Variants in ATL2 observed in about 807,000 individuals in gnomAD.
The protein encoded by ATL2 is atlastin-2.
A neutral mutation model predicts 73.9 loss-of-function variants in ATL2; 31 were observed. The ratio of observed to expected loss-of-function variants is 0.42; its 90% confidence interval spans 0.32 to 0.57. ATL2 has a LOEUF of 0.57. Ranked by LOEUF, ATL2 falls within the 20% of genes least tolerant of loss-of-function variation. ATL2 has a pLI of 0.14. For missense variants in ATL2, 738 were observed against 702.6 expected (o/e 1.05, Z -0.57); for synonymous variants, 291 against 237.5 (o/e 1.23, Z -2.07).
intron 2 of ATL2, among the ~76,000 whole-genome samples, chr2:38,325,951 T>A (rs890506662): frequency 2.8e-5 from 4 of 145,038 alleles, no homozygotes; most frequent in Non-Finnish European, 4.5e-5. Context: ...AGACCAGGAC[T>A]CAGGCCCACT....
At chr2:38,307,863 T>C (rs368735095) in intron 9 of ATL2, among the ~76,000 whole-genome samples, 7 of 152,256 alleles carry the variant, frequency 4.6e-5, no homozygotes, top group African/African-American at 1.4e-4. Flanking sequence ...TATGAAAACA[T>C]CACTGATCAT....
chr2:38,345,753 A>G lies in ATL2; in HGVS notation c.119-2241T>C, dbSNP rs116786449. Reference sequence around the variant, plus strand: ...AATAACAAAACAGGATGCAAACGGTATAAGTTTCTAAGCTTAATTAGTGGT... The same window carrying G: ...AATAACAAAACAGGATGCAAACGGTGTAAGTTTCTAAGCTTAATTAGTGGT... On this transcript the variant is annotated intron_variant, in intron 1 of 12. Coordinates refer to ENST00000378954, the MANE Select transcript of ATL2 (RefSeq NM_001135673.4). Among the ~76,000 whole-genome samples, 801 of 152,354 alleles carry G rather than the reference A, an allele frequency of 5.3e-3. 5 individuals are homozygous for G. The highest frequency in any genetic ancestry group is 8.7e-3 in the Non-Finnish European group (591 of 68,040).
At chr2:38,354,915 A>T (rs74986372) in intron 1 of ATL2, among the ~76,000 whole-genome samples, 5 of 152,010 alleles carry the variant, frequency 3.3e-5, no homozygotes, top group Non-Finnish European at 4.4e-5. Flanking sequence ...AAAAAAGCCA[A>T]TAAGAAACCA....
intron 9 of ATL2, among the ~76,000 whole-genome samples, chr2:38,308,604 T>A (rs546049221): frequency 6.6e-6 from 1 of 152,058 alleles, no homozygotes; most frequent in Non-Finnish European, 1.5e-5. Flanking sequence ...AAGAGTATAA[T>A]TGGATTGTCT....
At chr2:38,320,146 CAA>C (rs1668241014) in intron 2 of ATL2, among the ~76,000 whole-genome samples, 1 of 152,094 alleles carries the variant, frequency 6.6e-6, no homozygotes, top group Non-Finnish European at 1.5e-5. Flanking sequence ...AAAATAACCC[CAA>C]GACTTGTTTG....
At chr2:38,373,198 TCCTC>T (rs1181924931) in intron 1 of ATL2, among the ~76,000 whole-genome samples, 3 of 152,100 alleles carry the variant, frequency 2.0e-5, no homozygotes, top group African/African-American at 7.2e-5. Context: ...CACTACATTA[TCCTC>T]CCTATGATTA....
chr2:38,346,319 C>T (rs1670013039), intron 1 of ATL2, among the ~76,000 whole-genome samples: 1 of 152,148 alleles, frequency 6.6e-6, no homozygotes, highest in South Asian at 2.1e-4. Context: ...ATCTAATCTC[C>T]ACAGAGTAGC....
chr2:38,330,999 T>A (rs1668954442), intron 2 of ATL2, among the ~76,000 whole-genome samples: 1 of 152,202 alleles, frequency 6.6e-6, no homozygotes, highest in African/African-American at 2.4e-5. Flanking sequence ...GACAGCGTGA[T>A]ACTGGTATAA....
Position 38,296,125 on chromosome 2 carries a change from G to A in ATL2, c.1633-12C>T. 3 of 1,542,340 alleles carry A rather than the reference G, an allele frequency of 1.9e-6. No homozygotes were observed. The highest frequency in any genetic ancestry group is 2.6e-6 in the Non-Finnish European group (3 of 1,142,788). ...AGGGGCTTCAATACCTGTGGTATGA[G>A]AAATGTGCAAAACAAACAAAAACAT... On this transcript the variant is annotated splice_polypyrimidine_tract_variant and intron_variant, in intron 12 of 12. Coordinates refer to ENST00000378954, the MANE Select transcript of ATL2 (RefSeq NM_001135673.4).
At chr2:38,312,706 T>TAAA (rs368819561) in intron 7 of ATL2, among the ~76,000 whole-genome samples, 5 of 120,306 alleles carry the variant, frequency 4.2e-5, no homozygotes, top group South Asian at 2.5e-4. Flanking sequence ...GAGACTGTCT[T>TAAA]AAAAAAAAAA....
intron 11 of ATL2, among the ~76,000 whole-genome samples, chr2:38,298,907 A>C (rs1320267798): frequency 1.3e-5 from 2 of 152,166 alleles, no homozygotes; most frequent in African/African-American, 4.8e-5. Context: ...ATAATGCCCC[A>C]AAAAGATATT....
chr2:38,363,875 CT>C (rs1671151810), intron 1 of ATL2, among the ~76,000 whole-genome samples: 1 of 152,130 alleles, frequency 6.6e-6, no homozygotes, highest in East Asian at 1.9e-4. Flanking sequence ...AAAAGTAGCC[CT>C]TTTTGGATTA....
intron 4 of ATL2, among the ~76,000 whole-genome samples, chr2:38,316,577 A>G (rs1050160492): frequency 5.3e-5 from 8 of 152,096 alleles, no homozygotes; most frequent in African/African-American, 1.9e-4. Context: ...CCCCACCCAA[A>G]GGCAAGGAAG....
At chr2:38,314,705 T>A (rs761357026) in intron 5 of ATL2, 41 bp from the exon 6 acceptor site, 1 of 1,339,814 alleles carries the variant, frequency 7.5e-7, no homozygotes, top group Non-Finnish European at 1.1e-6. Flanking sequence ...TCTAAAGAGA[T>A]TGAAAGAAGA....
chr2:38,351,540 C>G (rs1017395230), intron 1 of ATL2, among the ~76,000 whole-genome samples: 2 of 150,792 alleles, frequency 1.3e-5, no homozygotes, highest in African/African-American at 4.9e-5. Flanking sequence ...GTTGCCCAGG[C>G]TGGAGTGCAG....
intron 7 of ATL2, 49 bp downstream of exon 7, chr2:38,313,102 T>C (rs768710633): frequency 7.2e-7 from 1 of 1,379,488 alleles, no homozygotes; most frequent in Non-Finnish European, 1.0e-6. Context: ...GCCCACCCGT[T>C]TGCCTAGCTT....
rs1253319748 is a variant in ATL2 at position 38,377,153 on chromosome 2, C to G, written c.108G>C (p.Thr36=). The change falls in exon 1 of 13, where the codon ACG becomes ACC. Residue 36 remains threonine (T), a synonymous_variant. Coordinates refer to ENST00000378954, the MANE Select transcript of ATL2 (RefSeq NM_001135673.4). Reference sequence around the variant, plus strand: ...CTCGCTGGCCCGTACCTAGGGAGGTCGTGGACGAGACGTGGTTAACCGCGG... The same window carrying G: ...CTCGCTGGCCCGTACCTAGGGAGGTGGTGGACGAGACGTGGTTAACCGCGG... The part of the protein sequence containing the change: ...PSAAVNHVSS[T]TSLGENYEDD... 6.2e-7 allele frequency: 1 copy of G among 1,610,574 alleles called. No homozygotes were observed. Among genetic ancestry groups the G allele is most frequent in the Non-Finnish European group, 8.5e-7 (1 of 1,179,378 alleles).
At chr2:38,309,876 G>A (rs764324273) in intron 8 of ATL2, among the ~76,000 whole-genome samples, 2 of 152,036 alleles carry the variant, frequency 1.3e-5, no homozygotes, top group Non-Finnish European at 2.9e-5. Context: ...TGTTTTACCA[G>A]CCATACTGTA....
chr2:38,343,563 C>A, intron 1 of ATL2, 51 bp from the exon 2 acceptor site: 1 of 1,555,390 alleles, frequency 6.4e-7, no homozygotes, highest in Admixed American at 1.9e-5. Flanking sequence ...ATATTACGAA[C>A]TTTCATTAAG....
Sources: allele counts gnomAD v4.1 joint callset (sites outside exome capture counted in the v4.1 genomes callset), GRCh38; gene constraint gnomAD v4.1.1; transcripts MANE v1.5; gene names NCBI Gene and HGNC (gene_info 2026-07-23, HGNC 2026-07-21).